The following STAG1 variants were observed in gnomAD, a reference collection of about 807,000 sequenced individuals.
The protein encoded by STAG1 is cohesin subunit SA-1.
A neutral mutation model predicts 170.9 loss-of-function variants in STAG1; 26 were observed. That is an observed-to-expected ratio of 0.15 (90% CI 0.11 to 0.21). The LOEUF (loss-of-function observed/expected upper bound fraction) is 0.21, where lower values mean the gene tolerates loss of function less well. STAG1 is among the 10% of genes least tolerant of loss of function. The pLI, the probability that STAG1 is intolerant of heterozygous loss-of-function variation, is 1.00. For synonymous variants in STAG1, 514 were observed against 497.7 expected (o/e 1.03, Z -0.44); for missense variants, 964 against 1,509.5 (o/e 0.64, Z 5.99).
intron 1 of STAG1, among the ~76,000 whole-genome samples, chr3:136,740,185 G>A (rs1463424827): frequency 1.3e-5 from 2 of 152,170 alleles, no homozygotes; most frequent in Non-Finnish European, 2.9e-5. Flanking sequence ...GGAGGTTTCA[G>A]TGAGCCAAGA....
chr3:136,607,429 TTCTC>T lies in STAG1; in HGVS notation c.133-2960_133-2957del, dbSNP rs769780007. On this transcript the variant is annotated intron_variant, in intron 3 of 33. Coordinates refer to ENST00000383202, the MANE Select transcript of STAG1 (RefSeq NM_005862.3). ...GTTTTGTTTTCTTTTTGGAGACAGATTCTCTCTTTGTTGCTCAGGCTGGAGTGCG... is the reference window on the plus strand; with the variant it reads ...GTTTTGTTTTCTTTTTGGAGACAGATTCTTTGTTGCTCAGGCTGGAGTGCG... Among the ~76,000 whole-genome samples the T allele has an allele frequency of 6.6e-5, 10 of 152,288 alleles. No individual in the cohort carries two copies. The South Asian group carries it at 1.9e-3, about 28-fold the overall frequency.
intron 1 of STAG1, among the ~76,000 whole-genome samples, chr3:136,690,939 T>TC (rs1412717525): frequency 6.6e-6 from 1 of 151,084 alleles, no homozygotes; most frequent in Non-Finnish European, 1.5e-5. Flanking sequence ...GACTGCAATA[T>TC]CCAACGGGGC....
At chr3:136,661,009 T>C (rs1941560136) in intron 1 of STAG1, among the ~76,000 whole-genome samples, 1 of 152,038 alleles carries the variant, frequency 6.6e-6, no homozygotes, top group Non-Finnish European at 1.5e-5. Context: ...GGGACTACTG[T>C]TAACTATTAA....
intron 5 of STAG1, among the ~76,000 whole-genome samples, chr3:136,544,194 T>C (rs113275949): frequency 4.6e-5 from 7 of 152,216 alleles, no homozygotes; most frequent in African/African-American, 1.4e-4. Context: ...ATGAGGTAAA[T>C]TGTCAGAAAA....
At chr3:136,378,239 A>G (rs1937718520) in intron 22 of STAG1, among the ~76,000 whole-genome samples, 1 of 152,256 alleles carries the variant, frequency 6.6e-6, no homozygotes, top group African/African-American at 2.4e-5. Context: ...AGACAGGCCA[A>G]TTACGGAGAT....
At chr3:136,548,302 T>C (rs1559872715) in intron 5 of STAG1, among the ~76,000 whole-genome samples, 1 of 151,924 alleles carries the variant, frequency 6.6e-6, no homozygotes, top group African/African-American at 2.4e-5. Context: ...TTAGTAGAGA[T>C]AGGGTTTTGC....
intron 1 of STAG1, among the ~76,000 whole-genome samples, chr3:136,748,733 AG>A (rs1455433719): frequency 1.3e-5 from 2 of 152,194 alleles, no homozygotes; most frequent in Non-Finnish European, 2.9e-5. Context: ...TTTTTTAAAA[AG>A]GTGTTCTTAG....
At chr3:136,687,846 C>A (rs1393065623) in intron 1 of STAG1, among the ~76,000 whole-genome samples, 1 of 151,762 alleles carries the variant, frequency 6.6e-6, no homozygotes, top group Non-Finnish European at 1.5e-5. Context: ...AAGTGATTCT[C>A]CTGCCTCAGC....
intron 7 of STAG1, among the ~76,000 whole-genome samples, chr3:136,504,587 C>G (rs867589819): frequency 6.6e-6 from 1 of 152,114 alleles, no homozygotes; most frequent in Non-Finnish European, 1.5e-5. Flanking sequence ...GAATCTGGAG[C>G]ATTCCAACTA....
intron 3 of STAG1, among the ~76,000 whole-genome samples, chr3:136,616,223 C>T (rs1184697439): frequency 1.3e-5 from 2 of 150,916 alleles, no homozygotes; most frequent in Non-Finnish European, 2.9e-5. Context: ...GAGCCGAGAT[C>T]GCGCCACTGC....
At chr3:136,700,852 A>ATG (rs1943034266) in intron 1 of STAG1, among the ~76,000 whole-genome samples, 1 of 149,396 alleles carries the variant, frequency 6.7e-6, no homozygotes, top group Non-Finnish European at 1.5e-5. Context: ...AAAAACATAA[A>ATG]TGTGTGTGTG....
At chr3:136,543,995 C>T (rs929047955) in intron 5 of STAG1, among the ~76,000 whole-genome samples, 1 of 152,078 alleles carries the variant, frequency 6.6e-6, no homozygotes, top group Non-Finnish European at 1.5e-5. Flanking sequence ...TACGTATGCA[C>T]AGATTCAAAT....
At chr3:136,436,295 T>G (rs547357548) in intron 15 of STAG1, among the ~76,000 whole-genome samples, 8 of 151,898 alleles carry the variant, frequency 5.3e-5, no homozygotes, top group South Asian at 2.1e-4. Flanking sequence ...TTTTTGGTTT[T>G]TTTGGAAGTG....
chr3:136,631,612 G>A (rs987308785), intron 1 of STAG1, among the ~76,000 whole-genome samples: 2 of 152,166 alleles, frequency 1.3e-5, no homozygotes, highest in African/African-American at 2.4e-5. Flanking sequence ...ATGTTCTCTC[G>A]TGCAGGACGT....
intron 8 of STAG1, among the ~76,000 whole-genome samples, chr3:136,502,039 G>A (rs1342193158): frequency 2.0e-5 from 3 of 152,056 alleles, no homozygotes; most frequent in East Asian, 1.9e-4. Flanking sequence ...AAATTAGCCA[G>A]GAGTGGTGGC....
chr3:136,377,238 T>A (rs1342817927), intron 23 of STAG1, among the ~76,000 whole-genome samples: 1 of 148,898 alleles, frequency 6.7e-6, no homozygotes, highest in African/African-American at 2.4e-5. Context: ...ATACAAAAAA[T>A]TAGCTGGGCG....
chr3:136,366,464 T>C (rs558520567), intron 25 of STAG1, among the ~76,000 whole-genome samples: 75 of 152,234 alleles, frequency 4.9e-4, no homozygotes, highest in Non-Finnish European at 3.2e-4. Flanking sequence ...CACATTGCAG[T>C]TGTTCAGCAT....
chr3:136,746,346 G>A (rs1301056305), intron 1 of STAG1, among the ~76,000 whole-genome samples: 2 of 151,628 alleles, frequency 1.3e-5, no homozygotes, highest in South Asian at 2.1e-4. Context: ...TTAAAGCAAG[G>A]GTGTCCAATC....
At chr3:136,571,817 G>T (rs942913970) in intron 4 of STAG1, among the ~76,000 whole-genome samples, 4 of 152,056 alleles carry the variant, frequency 2.6e-5, no homozygotes, top group African/African-American at 9.7e-5. Flanking sequence ...GGAGTTTGAG[G>T]CTACAGTGAA....
Sources: gnomAD v4.1 joint callset for allele counts (sites outside exome capture counted in the v4.1 genomes callset) on GRCh38, gnomAD v4.1.1 for gene constraint, MANE v1.5 for transcripts, NCBI Gene and HGNC (gene_info 2026-07-23, HGNC 2026-07-21) for gene names.